FHOD3: variants seen among roughly 807,000 people sequenced by gnomAD.
FHOD3 encodes the protein formin homology 2 domain containing 3.
In FHOD3, 90 loss-of-function variants were observed where a neutral mutation model predicts 173.0. The observed-to-expected ratio is 0.52, with a 90% CI of 0.44 to 0.62. The LOEUF (loss-of-function observed/expected upper bound fraction) is 0.62, where lower values mean the gene tolerates loss of function less well. FHOD3 is among the 20% of genes least tolerant of loss of function. FHOD3 has a pLI of 0.00. For synonymous variants in FHOD3, 828 were observed against 823.0 expected (o/e 1.01, Z -0.10); for missense variants, 1,945 against 2,034.7 (o/e 0.96, Z 0.85).
chr18:36,553,321 A>G (rs1299675174), intron 5 of FHOD3, among the ~76,000 whole-genome samples: 1 of 152,174 alleles, frequency 6.6e-6, no homozygotes, highest in Non-Finnish European at 1.5e-5. Context: ...TATCAGGATG[A>G]TGCTGGCCTC....
At chr18:36,309,507 T>C (rs1047882877) in intron 1 of FHOD3, among the ~76,000 whole-genome samples, 1 of 152,216 alleles carries the variant, frequency 6.6e-6, no homozygotes, top group Non-Finnish European at 1.5e-5. Context: ...TGGAGGGATC[T>C]GTTACTCATT....
At chr18:36,356,780 C>T (rs983224537) in intron 2 of FHOD3, among the ~76,000 whole-genome samples, 4 of 152,030 alleles carry the variant, frequency 2.6e-5, no homozygotes, top group African/African-American at 4.8e-5. Context: ...GGACTACAGG[C>T]GTGTGCCACC....
chr18:36,581,673 C>T (rs1450453402), intron 6 of FHOD3, among the ~76,000 whole-genome samples: 1 of 152,226 alleles, frequency 6.6e-6, no homozygotes, highest in African/African-American at 2.4e-5. Context: ...TCCTTGCACG[C>T]ACGTACACAC....
At chr18:36,609,266 C>T (rs940887853) in intron 8 of FHOD3, among the ~76,000 whole-genome samples, 3 of 151,780 alleles carry the variant, frequency 2.0e-5, no homozygotes, top group African/African-American at 7.3e-5. Flanking sequence ...AGGTGGACAA[C>T]TTAGCAGCAG....
intron 14 of FHOD3, among the ~76,000 whole-genome samples, chr18:36,672,693 T>TA (rs2037609705): frequency 6.6e-6 from 1 of 152,226 alleles, no homozygotes; most frequent in African/African-American, 2.4e-5. Flanking sequence ...GCTTTTTCTT[T>TA]AAAGGAGTTG....
intron 24 of FHOD3, among the ~76,000 whole-genome samples, chr18:36,753,707 TC>T (rs1422121795): frequency 6.6e-6 from 1 of 152,232 alleles, no homozygotes; most frequent in African/African-American, 2.4e-5. Context: ...CTCCACATCC[TC>T]ACCAACATTT....
chr18:36,385,995 TA>T (rs1216656437), intron 3 of FHOD3, among the ~76,000 whole-genome samples: 1 of 152,224 alleles, frequency 6.6e-6, no homozygotes. Flanking sequence ...ATAATAACTT[TA>T]AAGTTGAAAC....
chr18:36,688,010 T>G (rs2038738365), intron 16 of FHOD3, among the ~76,000 whole-genome samples: 1 of 152,218 alleles, frequency 6.6e-6, no homozygotes, highest in Admixed American at 6.5e-5. Context: ...CGAACCAGCC[T>G]AGGTCATATA....
chr18:36,751,199 C>G (rs2150157580), intron 24 of FHOD3, among the ~76,000 whole-genome samples: 1 of 152,278 alleles, frequency 6.6e-6, no homozygotes, highest in Middle Eastern at 3.4e-3. Flanking sequence ...TTTCACCTCC[C>G]TGGTTAGCTG....
chr18:36,705,362 A>G (rs1367183829), intron 17 of FHOD3, among the ~76,000 whole-genome samples: 5 of 151,472 alleles, frequency 3.3e-5, no homozygotes, highest in Non-Finnish European at 5.9e-5. Flanking sequence ...CCCCCTTTTA[A>G]CTCATTTTTA....
intron 1 of FHOD3, among the ~76,000 whole-genome samples, chr18:36,340,347 G>A (rs985526688): frequency 6.6e-5 from 10 of 152,190 alleles, no homozygotes; most frequent in Non-Finnish European, 1.0e-4. Flanking sequence ...AGCAGGATAC[G>A]CTTGGGACCC....
At chr18:36,350,439 A>G (rs1253064920) in intron 1 of FHOD3, among the ~76,000 whole-genome samples, 2 of 152,112 alleles carry the variant, frequency 1.3e-5, no homozygotes, top group Non-Finnish European at 2.9e-5. Flanking sequence ...TAGCCCTGTA[A>G]TGTTATCTTC....
At chr18:36,298,076 GC>G in intron 1 of FHOD3, 76 bp downstream of exon 1, 3 of 1,310,916 alleles carry the variant, frequency 2.3e-6, no homozygotes, top group Non-Finnish European at 3.0e-6. Flanking sequence ...GGGTCCCGGG[GC>G]TTCGTGGGCC....
intron 3 of FHOD3, among the ~76,000 whole-genome samples, chr18:36,384,155 C>A (rs1177193954): frequency 6.6e-6 from 1 of 152,078 alleles, no homozygotes; most frequent in Non-Finnish European, 1.5e-5. Flanking sequence ...GTAACCCCAG[C>A]ACTTTGGGAG....
chr18:36,565,678 C>T lies in FHOD3; in HGVS notation c.512-10773C>T, dbSNP rs527710727. On this transcript the variant is annotated intron_variant, in intron 5 of 28. Transcript: ENST00000590592. The stretch of plus-strand genomic sequence containing the variant: ...GGTAGAAATAAATAGGAATTATTTC[C>T]AGTCACATTCTCAAATGGCAAAATA... Among the ~76,000 whole-genome samples, 6 of 152,046 alleles carry T rather than the reference C, an allele frequency of 3.9e-5. No individual in the cohort carries two copies. In the South Asian group the frequency reaches 1.2e-3, roughly 32 times the overall value.
At chr18:36,754,809 A>T (rs1039304340) in intron 24 of FHOD3, among the ~76,000 whole-genome samples, 2 of 151,668 alleles carry the variant, frequency 1.3e-5, no homozygotes, top group African/African-American at 4.8e-5. Context: ...CAGATACGCA[A>T]AGTGAAAAAG....
At chr18:36,754,737 C>A (rs1157625932) in intron 24 of FHOD3, among the ~76,000 whole-genome samples, 3 of 151,578 alleles carry the variant, frequency 2.0e-5, no homozygotes, top group Non-Finnish European at 1.5e-5. Flanking sequence ...TTCGAAAATA[C>A]CACTTTAACA....
intron 24 of FHOD3, among the ~76,000 whole-genome samples, chr18:36,748,977 C>T (rs2042284619): frequency 6.9e-6 from 1 of 144,874 alleles, no homozygotes; most frequent in African/African-American, 2.8e-5. Context: ...CATTGGGAAA[C>T]TGAGGCACAG....
chr18:36,680,297 T>A (rs574573217), intron 14 of FHOD3, among the ~76,000 whole-genome samples: 4 of 152,350 alleles, frequency 2.6e-5, no homozygotes, highest in African/African-American at 9.6e-5. Context: ...GTCTGTAATA[T>A]GAAAGTCACA....
Sources: gnomAD v4.1 joint callset for allele counts (sites outside exome capture counted in the v4.1 genomes callset) on GRCh38, gnomAD v4.1.1 for gene constraint, MANE v1.5 for transcripts, NCBI Gene and HGNC (gene_info 2026-07-23, HGNC 2026-07-21) for gene names.